Variants in PGBD1 observed in about 807,000 individuals in gnomAD.
PGBD1 encodes the protein piggyBac transposable element derived 1.
In PGBD1, 25 loss-of-function variants were observed where a neutral mutation model predicts 34.7. That is an observed-to-expected ratio of 0.72 (90% CI 0.52 to 1.00). The LOEUF (loss-of-function observed/expected upper bound fraction) is 1.00. Among genes scored for constraint, PGBD1 ranks in the 50% least tolerant of loss-of-function variants. PGBD1 has a pLI of 0.00. For missense variants in PGBD1, 830 were observed against 959.4 expected, an observed-to-expected ratio of 0.87 and a Z score of 1.78; for synonymous variants, 292 against 335.7, an observed-to-expected ratio of 0.87 and a Z score of 1.42.
chr6:28,285,737 G>A (rs199549455), intron 3 of PGBD1, 30 bp downstream of exon 3: 186 of 1,597,162 alleles, frequency 1.2e-4, no homozygotes, highest in Non-Finnish European at 1.4e-4. Context: ...TAGTGAGGAC[G>A]CTGGGAGCTG....
At chr6:28,283,238 T>C (rs1306511229) in intron 1 of PGBD1, among the ~76,000 whole-genome samples, 2 of 152,230 alleles carry the variant, frequency 1.3e-5, no homozygotes, top group African/African-American at 4.8e-5. Flanking sequence ...TCATTTCTGC[T>C]GTATTCCACT....
chr6:28,300,327 G>A lies in PGBD1; in HGVS notation c.870-397G>A, dbSNP rs1433058224. Among the ~76,000 whole-genome samples, 2 of 152,164 alleles carry A rather than the reference G, an allele frequency of 1.3e-5. No individual in the cohort carries two copies. Among genetic ancestry groups the A allele is most frequent in the Non-Finnish European group, 2.9e-5 (2 of 68,032 alleles). ...GACAGAAGTTAGACTGGATAAAAAC[G>A]GCTTAAAGGCAGAGCTAAATAGGCT... On this transcript the variant is annotated intron_variant, in intron 6 of 6. Transcript: ENST00000682144. The surrounding 1 kb of genome is among the most constrained non-coding windows in gnomAD (Gnocchi z 4.0).
Position 28,302,357 on chromosome 6 carries a change from C to A in PGBD1, c.*73C>A. 1 of 1,418,190 alleles carries A rather than the reference C, an allele frequency of 7.1e-7. No individual in the cohort carries two copies. The highest frequency in any genetic ancestry group is 1.5e-5 in the African/African-American group (1 of 68,642). The allele number at this position is 1,418,190 out of a possible 1,614,324, so 87.9% of individuals were successfully genotyped here. On this transcript the variant is annotated 3_prime_UTR_variant, in exon 7 of 7. Coordinates refer to ENST00000682144, the MANE Select transcript of PGBD1 (RefSeq NM_032507.4). ...TAATAATTATACATGCTGTTGTACC[C>A]TCCCAAAGTAAATCTGATATATGTA...
rs1188667976 is a variant in PGBD1, at chr6:28,300,474, G to C, written c.870-250G>C. Reference sequence around the variant, plus strand: ...TCCTAAAGAGGACAGAGGGAGGAGTGTACCAAGGATACTCAGTTATTTCTC... The same window carrying C: ...TCCTAAAGAGGACAGAGGGAGGAGTCTACCAAGGATACTCAGTTATTTCTC... On this transcript the variant is annotated intron_variant, in intron 6 of 6. Coordinates refer to ENST00000682144, the MANE Select transcript of PGBD1 (RefSeq NM_032507.4). The surrounding 1 kb of genome is among the most constrained non-coding windows in gnomAD (Gnocchi z 4.0). Among the ~76,000 whole-genome samples the C allele has an allele frequency of 6.6e-6, 1 of 152,152 alleles. No individual in the cohort carries two copies. Among genetic ancestry groups the C allele is most frequent in the Non-Finnish European group, 1.5e-5 (1 of 68,030 alleles).
chr6:28,296,708 C>T (rs1229314850), intron 4 of PGBD1, 108 bp from the exon 5 acceptor site: 1 of 1,291,754 alleles, frequency 7.7e-7, no homozygotes, highest in Non-Finnish European at 1.1e-6. Context: ...ACAAAATGCC[C>T]TGAGGGGCTG....
Position 28,287,108 on chromosome 6 carries a change from C to G in PGBD1, c.582C>G (p.Leu194=), listed in dbSNP as rs775845663. Residue 194 remains leucine, a synonymous_variant, in exon 4 of 7, where the codon CTC becomes CTG. Coordinates refer to ENST00000682144, the MANE Select transcript of PGBD1 (RefSeq NM_032507.4). The part of the protein sequence containing the change: ...SGPVPHGSAH[L]QEKNPRDKAV... ...CTGTTCCCCACGGATCAGCTCATCT[C>G]CAGGAAAAAAACCCCAGAGACAAGG... is the stretch of plus-strand genomic sequence containing the variant. 1 of 1,613,926 alleles carries G rather than the reference C, an allele frequency of 6.2e-7. No homozygotes were observed. The highest frequency in any genetic ancestry group is 1.7e-5 in the Admixed American group (1 of 59,998).
intron 6 of PGBD1, 49 bp downstream of exon 6, chr6:28,298,040 T>C (rs776601554): frequency 2.3e-6 from 3 of 1,316,458 alleles, no homozygotes; most frequent in Non-Finnish European, 3.3e-6. Context: ...ATATAAGAAA[T>C]TGGAATGGAA....
chr6:28,289,671 G>A (rs1762388796), intron 4 of PGBD1, among the ~76,000 whole-genome samples: 1 of 152,176 alleles, frequency 6.6e-6, no homozygotes, highest in Admixed American at 6.5e-5. Context: ...AGGCTGAAGT[G>A]GGAGGATCAC....
rs1383485961 is a variant in PGBD1, at chr6:28,301,959, T to C, written c.2105T>C (p.Val702Ala). Residue 702 changes from valine to alanine, a missense_variant, in exon 7 of 7, where the codon GTG becomes GCG. Val to Ala is a moderately conservative substitution (Grantham distance 64). Transcript: ENST00000682144. ...ATTATCAGTCTGTGCTCCAATGCTG[T>C]GGGCATAGAACCAGTCAATGAGGTA... ...DGIISLCSNAVGIEPVNEVSC... is the reference protein window; with the variant it reads ...DGIISLCSNAAGIEPVNEVSC... 6.2e-7 allele frequency: 1 copy of C among 1,614,196 alleles called. No individual in the cohort carries two copies. The highest frequency in any genetic ancestry group is 1.3e-5 in the African/African-American group (1 of 75,046).
intron 5 of PGBD1, among the ~76,000 whole-genome samples, chr6:28,297,385 A>G (rs79481235): frequency 6.6e-6 from 1 of 151,894 alleles, no homozygotes; most frequent in African/African-American, 2.4e-5. Flanking sequence ...TATTTTTTTT[A>G]GTTTTTTTAA....
chr6:28,300,958 T>G lies in PGBD1; in HGVS notation c.1104T>G (p.Asp368Glu). Residue 368 changes from aspartate to glutamate, a missense_variant, in exon 7 of 7, where the codon GAT (aspartate) becomes GAG (glutamate). Asp to Glu is a conservative substitution (Grantham distance 45, BLOSUM62 2). Coordinates refer to ENST00000682144, the MANE Select transcript of PGBD1 (RefSeq NM_032507.4). The surrounding 1 kb of genome is among the most constrained non-coding windows in gnomAD (Gnocchi z 4.0). ...CTGGTGACTCAGATGTGGAAAAAGATAATGAGCCTGAGATCCAGCCTGCTC... is the reference window on the plus strand; with the variant it reads ...CTGGTGACTCAGATGTGGAAAAAGAGAATGAGCCTGAGATCCAGCCTGCTC... ...SFSGDSDVEKDNEPEIQPAQK... is the reference protein window; with the variant it reads ...SFSGDSDVEKENEPEIQPAQK... 6.2e-7 allele frequency: 1 copy of G among 1,614,126 alleles called. No homozygotes were observed. Among genetic ancestry groups the G allele is most frequent in the Non-Finnish European group, 8.5e-7 (1 of 1,180,030 alleles).
intron 5 of PGBD1, among the ~76,000 whole-genome samples, chr6:28,297,553 A>G (rs187850133): frequency 7.0e-4 from 106 of 152,122 alleles, no homozygotes; most frequent in Middle Eastern, 3.4e-3. Context: ...GAGTCTCGCT[A>G]TGTTGCCCAG....
At position 28,284,155 on chromosome 6, in the gene PGBD1, G is replaced by C; in HGVS notation, c.342G>C (p.Glu114Asp). 1 of 1,599,682 alleles carries C rather than the reference G, an allele frequency of 6.3e-7. No individual in the cohort carries two copies. The highest frequency in any genetic ancestry group is 8.5e-7 in the Non-Finnish European group (1 of 1,171,696). The stretch of plus-strand genomic sequence containing the variant: ...CATATCCTCTGGAGAGTGGAGAGGA[G>C]GCAGTGACAGTGCTGGAGAATCTAG... ...VKTYPLESGE[E>D]AVTVLENLET... The change falls in exon 2 of 7, where the codon GAG (glutamate) becomes GAC (aspartate). Residue 114 changes from glutamate (E) to aspartate (D), a missense_variant. This residue lies in a region of PGBD1 where 457 missense variants were observed against 515.4 expected (regional missense o/e 0.89). Coordinates refer to ENST00000682144, the MANE Select transcript of PGBD1 (RefSeq NM_032507.4).
intron 3 of PGBD1, 73 bp downstream of exon 3, chr6:28,285,780 A>G: frequency 2.8e-6 from 4 of 1,450,832 alleles, no homozygotes; most frequent in Non-Finnish European, 3.7e-6. Flanking sequence ...TCTTGACCTC[A>G]AGTTTGTATA....
intron 5 of PGBD1, among the ~76,000 whole-genome samples, chr6:28,297,550 G>A (rs1345444149): frequency 1.3e-5 from 2 of 152,012 alleles, no homozygotes; most frequent in East Asian, 1.9e-4. Context: ...ACGGAGTCTC[G>A]CTATGTTGCC....
At position 28,302,059 on chromosome 6, in the gene PGBD1, C is replaced by G; in HGVS notation, c.2205C>G (p.Cys735Trp). The G allele has an allele frequency of 6.2e-7, 1 of 1,614,026 alleles. No homozygotes were observed. The highest frequency in any genetic ancestry group is 8.5e-7 in the Non-Finnish European group (1 of 1,180,012). The stretch of plus-strand genomic sequence containing the variant: ...CCATAGTAAAAGTGTATGATGAATG[C>G]AAGGAAGGTGTAGCTAAAATGGATC... Reference protein sequence around the residue: ...QPSIVKVYDECKEGVAKMDQI... With the variant: ...QPSIVKVYDEWKEGVAKMDQI... Residue 735 changes from cysteine (C) to tryptophan (W), a missense_variant, in exon 7 of 7, where the codon TGC becomes TGG. Cys to Trp is a radical substitution (Grantham distance 215, BLOSUM62 -2). This residue lies in a region of PGBD1 where 372 missense variants were observed against 427.9 expected (regional missense o/e 0.87). Transcript: ENST00000682144.
rs1762509763 is a variant in PGBD1, at chr6:28,292,998, A to G, written c.643-3818A>G. ...TTGCTCTGTTGCCAGGCTGGAGTGC[A>G]GTGGCGCGATCTCAGCTCACTGCAA... On this transcript the variant is annotated intron_variant, in intron 4 of 6. Coordinates refer to ENST00000682144, the MANE Select transcript of PGBD1 (RefSeq NM_032507.4). Among the ~76,000 whole-genome samples the G allele has an allele frequency of 2.0e-5, 3 of 151,948 alleles. No homozygotes were observed. The South Asian group carries it at 6.2e-4, about 32-fold the overall frequency.
chr6:28,286,793 C>T (rs1241155399), intron 3 of PGBD1, among the ~76,000 whole-genome samples: 3 of 151,848 alleles, frequency 2.0e-5, no homozygotes, highest in Non-Finnish European at 4.4e-5. Context: ...TTATTTTTGT[C>T]TATGATTTTT....
rs762710855 is a variant in PGBD1, at chr6:28,302,083, T to A, written c.2229T>A (p.Asp743Glu). 4 of 1,614,062 alleles carry A rather than the reference T, an allele frequency of 2.5e-6. No individual in the cohort carries two copies. Among genetic ancestry groups the A allele is most frequent in the Non-Finnish European group, 1.7e-6 (2 of 1,179,996 alleles). Reference protein sequence around the residue: ...DECKEGVAKMDQIISKYRVRI... With the variant: ...DECKEGVAKMEQIISKYRVRI... ...GCAAGGAAGGTGTAGCTAAAATGGA[T>A]CAAATTATTTCGAAATACAGGGTGA... The change falls in exon 7 of 7, where the codon GAT becomes GAA. Residue 743 changes from aspartate (D) to glutamate (E), a missense_variant. Asp to Glu is a conservative substitution (Grantham distance 45, BLOSUM62 2). Around this residue, in one of 3 missense-constraint regions of PGBD1, gnomAD observed 372 missense variants for 427.9 expected, o/e 0.87. Coordinates refer to ENST00000682144, the MANE Select transcript of PGBD1 (RefSeq NM_032507.4).
Sources: gnomAD v4.1 joint callset for allele counts (sites outside exome capture counted in the v4.1 genomes callset) on GRCh38, gnomAD v4.1.1 for gene constraint, gnomAD v4.1.1 regional missense constraint, Gnocchi (gnomAD v3.1) non-coding constraint, MANE v1.5 for transcripts, NCBI Gene and HGNC (gene_info 2026-07-23, HGNC 2026-07-21) for gene names.